The following GDF11 variants were observed in gnomAD, a reference collection of about 807,000 sequenced individuals.
The protein encoded by GDF11 is growth differentiation factor 11, also known as growth/differentiation factor 11.
Under a neutral mutation model 34.4 loss-of-function variants are expected in GDF11, and 12 were observed. That is an observed-to-expected ratio of 0.35 (90% CI 0.22 to 0.57). The LOEUF is 0.57. Ranked by LOEUF, GDF11 falls within the 20% of genes least tolerant of loss-of-function variation. GDF11 has a pLI of 0.86. For missense variants in GDF11, 346 were observed against 548.2 expected (o/e 0.63, Z 3.68); for synonymous variants, 212 against 231.1 (o/e 0.92, Z 0.75).
In GDF11 at chr12:55,751,509, C is replaced by G. The variant is rs1878320991; in HGVS notation, c.*1627C>G. 6.6e-6 allele frequency: 1 copy of G among 152,262 alleles called. No homozygotes were observed. Among genetic ancestry groups the G allele is most frequent in the South Asian group, 2.1e-4 (1 of 4,828 alleles). The allele number at this position is 152,262 out of a possible 1,614,324, so 9.4% of individuals were successfully genotyped here. On this transcript the variant is annotated 3_prime_UTR_variant, in exon 3 of 3. Coordinates refer to ENST00000257868, the MANE Select transcript of GDF11 (RefSeq NM_005811.5). The stretch of plus-strand genomic sequence containing the variant: ...ATGAATTCTGAGCACTTACCACGGG[C>G]ACTTTATGGACATAAAATACCTCTC...
rs1361085843 is a variant in GDF11 at position 55,750,986 on chromosome 12, C to T, written c.*1104C>T. ...AGAGAGAGTATAGAGACCCCAGAGTCCCCTGGGTCTGGAAAGCGTTAGGAG... is the reference window on the plus strand; with the variant it reads ...AGAGAGAGTATAGAGACCCCAGAGTTCCCTGGGTCTGGAAAGCGTTAGGAG... On this transcript the variant is annotated 3_prime_UTR_variant, in exon 3 of 3. Transcript: ENST00000257868. 6.6e-6 allele frequency: 1 copy of T among 152,118 alleles called. No homozygotes were observed. Among genetic ancestry groups the T allele is most frequent in the Non-Finnish European group, 1.5e-5 (1 of 68,038 alleles). 9.4% of individuals were successfully genotyped at this position (152,118 alleles called of 1,614,324 possible).
rs1192739318 is a variant in GDF11, at chr12:55,743,279, GT to G, written c.-37del. On this transcript the variant is annotated 5_prime_UTR_variant, in exon 1 of 3. Transcript: ENST00000257868. ...CGCCCCCTCCCCGCGGGACTCCGGC[GT>G]CCCCGCCCCCCAGTCCTCCCTCCCC... The G allele has an allele frequency of 1.3e-6, 1 of 768,734 alleles. No individual in the cohort carries two copies. The highest frequency in any genetic ancestry group is 1.6e-6 in the Non-Finnish European group (1 of 635,714). 47.6% of individuals were successfully genotyped at this position (768,734 alleles called of 1,614,324 possible).
At chr12:55,747,704 GGTCAAAAT>G (rs1244482370) in intron 1 of GDF11, among the ~76,000 whole-genome samples, 1 of 152,164 alleles carries the variant, frequency 6.6e-6, no homozygotes, top group Admixed American at 6.5e-5. Context: ...AGGGGAAATG[GGTCAAAAT>G]GTAAAGTTGG....
chr12:55,751,238 GCA>G lies in GDF11; in HGVS notation c.*1357_*1358del, dbSNP rs1460060582. Reference sequence around the variant, plus strand: ...TTTTGGAATCTAACAGTACCTGGCAGCAGGGAGGGGAAAGTACAGTGGGGAAA... The same window carrying G: ...TTTTGGAATCTAACAGTACCTGGCAGGGGAGGGGAAAGTACAGTGGGGAAA... On this transcript the variant is annotated 3_prime_UTR_variant, in exon 3 of 3. Transcript: ENST00000257868. The G allele has an allele frequency of 6.6e-6, 1 of 152,316 alleles. No homozygotes were observed. The highest frequency in any genetic ancestry group is 6.5e-5 in the Admixed American group (1 of 15,282). 9.4% of individuals were successfully genotyped at this position (152,316 alleles called of 1,614,324 possible).
chr12:55,743,863 GCTTTT>G (rs1878120866), intron 1 of GDF11, 102 bp downstream of exon 1: 20 of 956,844 alleles, frequency 2.1e-5, no homozygotes, highest in Non-Finnish European at 2.8e-5. Flanking sequence ...CGGCCCGGAA[GCTTTT>G]TCTGCGAAAA....
At chr12:55,745,054 G>A (rs1430559183) in intron 1 of GDF11, among the ~76,000 whole-genome samples, 2 of 152,160 alleles carry the variant, frequency 1.3e-5, no homozygotes, top group African/African-American at 2.4e-5. Flanking sequence ...GAGGTATGGG[G>A]ATCCGGTCTG....
rs1456776490 is a variant in GDF11 at position 55,753,751 on chromosome 12, AGAGT to A, written c.*3873_*3876del. ...CACCACTGCACTCTAGCATGGTGAC[AGAGT>A]GAGACTCCCATCTCCAAAAAAAAAA... On this transcript the variant is annotated 3_prime_UTR_variant, in exon 3 of 3. Transcript: ENST00000257868. 1 of 141,138 alleles carries A rather than the reference AGAGT, an allele frequency of 7.1e-6. No homozygotes were observed. Among genetic ancestry groups the A allele is most frequent in the Non-Finnish European group, 1.5e-5 (1 of 66,524 alleles). The allele number at this position is 141,138 out of a possible 1,614,324, so 8.7% of individuals were successfully genotyped here.
At position 55,749,933 on chromosome 12, in the gene GDF11, G is replaced by A; in HGVS notation, c.*51G>A. 6.7e-7 allele frequency: 1 copy of A among 1,493,534 alleles called. No individual in the cohort carries two copies. The highest frequency in any genetic ancestry group is 9.1e-7 in the Non-Finnish European group (1 of 1,094,936). The allele number at this position is 1,493,534 out of a possible 1,614,324, so 92.5% of individuals were successfully genotyped here. On this transcript the variant is annotated 3_prime_UTR_variant, in exon 3 of 3. Transcript: ENST00000257868. This position sits in a 1 kb window ranked among gnomAD's most constrained non-coding sequence, Gnocchi z 5.6. ...CACAGACCCTACCCCAAGACCCCTA[G>A]CCCTGCCCCCATCCCCCCAAGCCCT...
At position 55,743,643 on chromosome 12, in the gene GDF11, G is replaced by A; in HGVS notation, c.327G>A (p.Pro109=). Residue 109 remains proline, a synonymous_variant, in exon 1 of 3, where the codon CCG becomes CCA. Coordinates refer to ENST00000257868, the MANE Select transcript of GDF11 (RefSeq NM_005811.5). ...AGCAGCTGCTGCCCAAGGCGCCGCCGCTGCAGCAGATCCTGGACCTACACG... is the reference window on the plus strand; with the variant it reads ...AGCAGCTGCTGCCCAAGGCGCCGCCACTGCAGCAGATCCTGGACCTACACG... ...VVKQLLPKAP[P]LQQILDLHDF... is the part of the protein sequence containing the mutation. The A allele has an allele frequency of 6.2e-7, 1 of 1,604,700 alleles. No individual in the cohort carries two copies. The highest frequency in any genetic ancestry group is 8.5e-7 in the Non-Finnish European group (1 of 1,179,768).
rs150335039 is a variant in GDF11, at chr12:55,748,974, C to T, written c.834C>T (p.Ala278=). 78 of 1,597,022 alleles carry T rather than the reference C, an allele frequency of 4.9e-5. No homozygotes were observed. Among genetic ancestry groups the T allele is most frequent in the Admixed American group, 3.3e-5 (2 of 59,714 alleles). ...CTGTCACCTCCCTGGGGCCGGGAGC[C>T]GAGGGGCTGGTGAGCAGGGGGCCTG... The part of the protein sequence containing the change: ...DLAVTSLGPG[A]EGLHPFMELR... The change falls in exon 2 of 3, where the codon GCC becomes GCT. Residue 278 remains alanine, a synonymous_variant. Transcript: ENST00000257868. The surrounding 1 kb of genome is among the most constrained non-coding windows in gnomAD (Gnocchi z 5.6).
In GDF11 at chr12:55,751,906, G is replaced by A. The variant is rs1878333576; in HGVS notation, c.*2024G>A. 6.6e-6 allele frequency: 1 copy of A among 152,280 alleles called. No homozygotes were observed. The highest frequency in any genetic ancestry group is 2.4e-5 in the African/African-American group (1 of 41,466). The allele number at this position is 152,280 out of a possible 1,614,324, so 9.4% of individuals were successfully genotyped here. On this transcript the variant is annotated 3_prime_UTR_variant, in exon 3 of 3. Transcript: ENST00000257868. ...CATGACTCTCCCCCTTGGCCAGTTG[G>A]TGGAAGGGGCAAAGGTATGTGACCA...
intron 1 of GDF11, among the ~76,000 whole-genome samples, chr12:55,744,447 T>C (rs1264652304): frequency 1.3e-5 from 2 of 152,152 alleles, no homozygotes; most frequent in African/African-American, 4.8e-5. Flanking sequence ...CAAACCTTAG[T>C]GTTCCATCCC....
At position 55,749,472 on chromosome 12, in the gene GDF11, A is replaced by T; in HGVS notation, c.844-30A>T. The T allele has an allele frequency of 2.5e-6, 4 of 1,581,950 alleles. No individual in the cohort carries two copies. In the South Asian group the frequency reaches 3.5e-5, roughly 14 times the overall value. On this transcript the variant is annotated intron_variant, in intron 2 of 2. Transcript: ENST00000257868. The surrounding 1 kb of genome is among the most constrained non-coding windows in gnomAD (Gnocchi z 5.6). ...AAGAGGAACTGTTCAGGACCATATC[A>T]CATTTCTTTCCCCTCTCCCTGACCC...
rs1565667432 is a variant in GDF11, at chr12:55,753,342, G to A, written c.*3460G>A. ...CCAACGAACTTGCCTTGTTACACAA[G>A]AGTGGCTAAAATAGCATCTCAAATA... On this transcript the variant is annotated 3_prime_UTR_variant, in exon 3 of 3. Transcript: ENST00000257868. 1 of 152,320 alleles carries A rather than the reference G, an allele frequency of 6.6e-6. No homozygotes were observed. Among genetic ancestry groups the A allele is most frequent in the East Asian group, 1.9e-4 (1 of 5,188 alleles). The allele number at this position is 152,320 out of a possible 1,614,324, so 9.4% of individuals were successfully genotyped here. A position where few individuals can be genotyped will look rare whatever the true frequency, so the allele number is the denominator to read the frequency against.
Position 55,756,343 on chromosome 12 carries a change from A to G in GDF11, c.*6461A>G, listed in dbSNP as rs1031741741. 8 of 152,228 alleles carry G rather than the reference A, an allele frequency of 5.3e-5. No individual in the cohort carries two copies. The highest frequency in any genetic ancestry group is 1.9e-4 in the African/African-American group (8 of 41,458). The allele number at this position is 152,228 out of a possible 1,614,324, so 9.4% of individuals were successfully genotyped here. On this transcript the variant is annotated 3_prime_UTR_variant, in exon 3 of 3. Coordinates refer to ENST00000257868, the MANE Select transcript of GDF11 (RefSeq NM_005811.5). Reference sequence around the variant, plus strand: ...CTGCTCTCCAAGGCACAATTTTTCTAAATTATCTAAACTTTAGGTCCCTGC... The same window carrying G: ...CTGCTCTCCAAGGCACAATTTTTCTGAATTATCTAAACTTTAGGTCCCTGC...
chr12:55,749,782 C>A lies in GDF11; in HGVS notation c.1124C>A (p.Thr375Asn). 1 of 1,614,140 alleles carries A rather than the reference C, an allele frequency of 6.2e-7. No individual in the cohort carries two copies. The highest frequency in any genetic ancestry group is 8.5e-7 in the Non-Finnish European group (1 of 1,180,016). ...TCTGCTGGGCCCTGTTGTACCCCCA[C>A]CAAGATGTCCCCAATCAACATGCTC... Reference protein sequence around the residue: ...RGSAGPCCTPTKMSPINMLYF... With the variant: ...RGSAGPCCTPNKMSPINMLYF... The change falls in exon 3 of 3, where the codon ACC becomes AAC. Residue 375 changes from threonine (T) to asparagine (N), a missense_variant. Coordinates refer to ENST00000257868, the MANE Select transcript of GDF11 (RefSeq NM_005811.5). This position sits in a 1 kb window ranked among gnomAD's most constrained non-coding sequence, Gnocchi z 5.6.
rs1046826671 is a variant in GDF11 at position 55,752,437 on chromosome 12, T to G, written c.*2555T>G. 1.3e-5 allele frequency: 2 copies of G among 151,952 alleles called. No homozygotes were observed. Among genetic ancestry groups the G allele is most frequent in the Non-Finnish European group, 2.9e-5 (2 of 68,000 alleles). 9.4% of individuals were successfully genotyped at this position (151,952 alleles called of 1,614,324 possible). ...CATAAATCTGTGAGCTGAAGTCTCA[T>G]TCCCCTGTTCCTCCCTACCCCCAAA... On this transcript the variant is annotated 3_prime_UTR_variant, in exon 3 of 3. Coordinates refer to ENST00000257868, the MANE Select transcript of GDF11 (RefSeq NM_005811.5).
At chr12:55,747,563 G>A (rs537852493) in intron 1 of GDF11, among the ~76,000 whole-genome samples, 1 of 152,284 alleles carries the variant, frequency 6.6e-6, no homozygotes, top group South Asian at 2.1e-4. Context: ...CTGTCCAATG[G>A]AGACATGTTG....
chr12:55,750,093 G>T lies in GDF11; in HGVS notation c.*211G>T. The T allele has an allele frequency of 1.8e-6, 1 of 568,520 alleles. No individual in the cohort carries two copies. Among genetic ancestry groups the T allele is most frequent in the Non-Finnish European group, 3.1e-6 (1 of 319,862 alleles). 35.2% of individuals were successfully genotyped at this position (568,520 alleles called of 1,614,324 possible). ...GGGGAAGCAGGGGCATAGTCAGGGT[G>T]GGGAGTGTTTGAAGTTTGCAGATGA... is the stretch of plus-strand genomic sequence containing the variant. On this transcript the variant is annotated 3_prime_UTR_variant, in exon 3 of 3. Transcript: ENST00000257868.
Sources: allele counts gnomAD v4.1 joint callset (sites outside exome capture counted in the v4.1 genomes callset), GRCh38; gene constraint gnomAD v4.1.1; non-coding constraint Gnocchi (gnomAD v3.1); transcripts MANE v1.5; gene names NCBI Gene and HGNC (gene_info 2026-07-23, HGNC 2026-07-21).